The following GORASP2 variants were observed in gnomAD, a reference collection of about 807,000 sequenced individuals.
GORASP2 encodes the protein Golgi reassembly-stacking protein 2.
In GORASP2, 22 loss-of-function variants were observed where a neutral mutation model predicts 45.7. The ratio of observed to expected loss-of-function variants is 0.48; its 90% CI spans 0.34 to 0.69. GORASP2 has a LOEUF of 0.69. GORASP2 is among the 30% of genes least tolerant of loss of function. The pLI is 0.01. For synonymous variants in GORASP2, 221 were observed against 215.6 expected, an observed-to-expected ratio of 1.02 and a Z score of -0.22; for missense variants, 491 against 562.7, an observed-to-expected ratio of 0.87 and a Z score of 1.29.
chr2:170,929,629 G>T (rs1703766406), intron 1 of GORASP2: 2 of 614,108 alleles, frequency 3.3e-6, no homozygotes, highest in East Asian at 3.2e-5. Flanking sequence ...GGACGGGCTG[G>T]AGCTGGAGGC....
At chr2:170,958,828 C>T (rs1213879879) in intron 7 of GORASP2, among the ~76,000 whole-genome samples, 2 of 152,150 alleles carry the variant, frequency 1.3e-5, no homozygotes, top group East Asian at 3.9e-4. Flanking sequence ...TGCCACCACA[C>T]CCAGCTAATT....
Position 170,951,401 on chromosome 2 carries a change from C to A in GORASP2, c.509C>A (p.Thr170Asn). The A allele has an allele frequency of 6.2e-7, 1 of 1,610,788 alleles. No individual in the cohort carries two copies. Among genetic ancestry groups the A allele is most frequent in the South Asian group, 1.1e-5 (1 of 90,836 alleles). Reference sequence around the variant, plus strand: ...AAACTGTATGTGTACAACACAGACACTGATAACTGTCGAGAAGTGATTATT... The same window carrying A: ...AAACTGTATGTGTACAACACAGACAATGATAACTGTCGAGAAGTGATTATT... Reference protein sequence around the residue: ...PLKLYVYNTDTDNCREVIITP... With the variant: ...PLKLYVYNTDNDNCREVIITP... The change falls in exon 5 of 10, where the codon ACT becomes AAT. Residue 170 changes from threonine (T) to asparagine (N), a missense_variant. By Grantham distance (65) the Thr-to-Asn change is moderately conservative (BLOSUM62 0). Around this residue, in one of 2 missense-constraint regions of GORASP2, gnomAD observed 194 missense variants for 270.4 expected, o/e 0.72. Transcript: ENST00000234160.
intron 1 of GORASP2, among the ~76,000 whole-genome samples, chr2:170,947,891 C>T (rs1160958649): frequency 6.6e-6 from 1 of 152,104 alleles, no homozygotes; most frequent in Non-Finnish European, 1.5e-5. Flanking sequence ...GAGGTTGAGG[C>T]AGGTGGATCC....
chr2:170,936,224 C>CTTT (rs3079542), intron 1 of GORASP2, among the ~76,000 whole-genome samples: 1,548 of 118,932 alleles, frequency 0.013, 72 homozygotes, highest in South Asian at 0.036. Flanking sequence ...TTGAAACTGA[C>CTTT]TTTTTTTTTT....
At position 170,929,415 on chromosome 2, in the gene GORASP2, G is replaced by C; in HGVS notation, c.63+12G>C. 7.3e-7 allele frequency: 1 copy of C among 1,377,608 alleles called. No individual in the cohort carries two copies. The highest frequency in any genetic ancestry group is 9.4e-7 in the Non-Finnish European group (1 of 1,064,266). 85.3% of individuals were successfully genotyped at this position (1,377,608 alleles called of 1,614,324 possible). On this transcript the variant is annotated intron_variant, in intron 1 of 9. Coordinates refer to ENST00000234160, the MANE Select transcript of GORASP2 (RefSeq NM_015530.5). Reference sequence around the variant, plus strand: ...ACCACGTTCTGCGGGTAAGGGCTCCGACGGCGGCCGGGGAGCTGCGGGCTG... The same window carrying C: ...ACCACGTTCTGCGGGTAAGGGCTCCCACGGCGGCCGGGGAGCTGCGGGCTG...
Position 170,950,244 on chromosome 2 carries a change from G to C in GORASP2, c.389G>C (p.Arg130Thr). The C allele has an allele frequency of 6.3e-7, 1 of 1,584,676 alleles. No homozygotes were observed. Among genetic ancestry groups the C allele is most frequent in the Admixed American group, 1.8e-5 (1 of 56,614 alleles). The change falls in exon 4 of 10, where the codon AGA becomes ACA. Residue 130 changes from arginine to threonine, a missense_variant. Physicochemically the swap from Arg to Thr is moderately conservative, Grantham distance 71. Transcript: ENST00000234160. The stretch of plus-strand genomic sequence containing the variant: ...TCTCCTGCAGCACTGGCAGGTCTTA[G>C]ACCACACAGTGATTATATAATTGGA... ...SNSPAALAGL[R>T]PHSDYIIGAD...
chr2:170,946,538 C>T (rs1438974675), intron 1 of GORASP2, among the ~76,000 whole-genome samples: 3 of 151,858 alleles, frequency 2.0e-5, no homozygotes, highest in African/African-American at 7.3e-5. Context: ...ATTCTATGAA[C>T]CTATGAATTA....
intron 6 of GORASP2, among the ~76,000 whole-genome samples, chr2:170,955,430 T>C (rs1228623040): frequency 6.6e-6 from 1 of 152,214 alleles, no homozygotes; most frequent in Non-Finnish European, 1.5e-5. Context: ...TTTTAAGGAA[T>C]AAGAGATACT....
rs1229920664 is a variant in GORASP2, at chr2:170,966,145, T to G, written c.*15T>G. 25 of 1,582,926 alleles carry G rather than the reference T, an allele frequency of 1.6e-5. No homozygotes were observed. Among genetic ancestry groups the G allele is most frequent in the Non-Finnish European group, 2.2e-5 (25 of 1,151,694 alleles). ...AGTCACCTTAACTTTGAACCATTCTTTGGAATTGGCGTGGTATATTTAACC... is the reference window on the plus strand; with the variant it reads ...AGTCACCTTAACTTTGAACCATTCTGTGGAATTGGCGTGGTATATTTAACC... On this transcript the variant is annotated 3_prime_UTR_variant, in exon 10 of 10. Coordinates refer to ENST00000234160, the MANE Select transcript of GORASP2 (RefSeq NM_015530.5).
At chr2:170,947,205 C>T (rs892742617) in intron 1 of GORASP2, among the ~76,000 whole-genome samples, 1 of 152,136 alleles carries the variant, frequency 6.6e-6, no homozygotes, top group African/African-American at 2.4e-5. Flanking sequence ...CTGAAGCCAT[C>T]CACAGACCTC....
intron 7 of GORASP2, among the ~76,000 whole-genome samples, chr2:170,957,222 G>T (rs1285766337): frequency 6.6e-6 from 1 of 152,080 alleles, no homozygotes; most frequent in African/African-American, 2.4e-5. Context: ...AAGTGAGTAG[G>T]AACTCCTTTC....
At chr2:170,933,277 C>T (rs1703871258) in intron 1 of GORASP2, among the ~76,000 whole-genome samples, 1 of 152,044 alleles carries the variant, frequency 6.6e-6, no homozygotes, top group Non-Finnish European at 1.5e-5. Flanking sequence ...TCCTCCAATC[C>T]TAATGTAAGG....
intron 1 of GORASP2, among the ~76,000 whole-genome samples, chr2:170,945,493 C>A (rs1417807246): frequency 7.9e-6 from 1 of 126,504 alleles, no homozygotes; most frequent in Non-Finnish European, 1.7e-5. Context: ...CAGAGTGGGA[C>A]CTTGTCTCAA....
intron 2 of GORASP2, among the ~76,000 whole-genome samples, chr2:170,949,323 G>A (rs900339441): frequency 6.6e-5 from 10 of 152,148 alleles, no homozygotes; most frequent in Non-Finnish European, 1.3e-4. Context: ...TCCATAATGA[G>A]CTATTAGAAA....
intron 7 of GORASP2, among the ~76,000 whole-genome samples, chr2:170,960,905 C>A (rs951500888): frequency 3.9e-5 from 6 of 152,214 alleles, no homozygotes; most frequent in Non-Finnish European, 8.8e-5. Context: ...AAGACAAAAT[C>A]TGGAATCTAT....
At chr2:170,935,587 T>TC (rs1703930891) in intron 1 of GORASP2, among the ~76,000 whole-genome samples, 2 of 149,846 alleles carry the variant, frequency 1.3e-5, no homozygotes, top group South Asian at 4.3e-4. Flanking sequence ...TTTTTTTTTT[T>TC]TTTCTTTTTT....
upstream of GORASP2, chr2:170,928,938 C>T (rs1703743578): frequency 5.9e-6 from 1 of 169,252 alleles, no homozygotes; most frequent in Non-Finnish European, 1.3e-5. Context: ...CCAGGGGGAC[C>T]TGCAACCAAG....
chr2:170,954,162 A>G (rs1320769477), intron 5 of GORASP2: 3 of 152,908 alleles, frequency 2.0e-5, no homozygotes, highest in African/African-American at 7.2e-5. Context: ...GAACTATGGA[A>G]TGTGTAAATG....
intron 2 of GORASP2, 122 bp downstream of exon 2, chr2:170,948,552 T>G (rs564718092): frequency 1.5e-5 from 9 of 598,516 alleles, no homozygotes; most frequent in Middle Eastern, 4.3e-4. Context: ...TGCCAATTTA[T>G]AGAAATAATC....
Sources: allele counts gnomAD v4.1 joint callset (sites outside exome capture counted in the v4.1 genomes callset), GRCh38; gene constraint gnomAD v4.1.1; regional missense constraint gnomAD v4.1.1; transcripts MANE v1.5; gene names NCBI Gene and HGNC (gene_info 2026-07-23, HGNC 2026-07-21).